Variants in SLC22A23 observed in about 807,000 individuals in gnomAD.
SLC22A23 encodes the protein solute carrier family 22 member 23, also known as ion transporter protein.
SLC22A23 carries 26 observed loss-of-function variants against 61.0 expected under a neutral mutation model. The observed-to-expected ratio is 0.43, with a 90% CI of 0.31 to 0.59. SLC22A23 has a LOEUF of 0.59. Among genes scored for constraint, SLC22A23 ranks in the 20% least tolerant of loss-of-function variants. The pLI is 0.11. For synonymous variants in SLC22A23, 430 were observed against 413.9 expected (o/e 1.04, Z -0.47); for missense variants, 796 against 934.7 (o/e 0.85, Z 1.94).
Position 3,372,281 on chromosome 6 carries a change from T to C in SLC22A23, c.913+37907A>G, listed in dbSNP as rs922863869. Among the ~76,000 whole-genome samples, 10 of 152,182 alleles carry C rather than the reference T, an allele frequency of 6.6e-5. No individual in the cohort carries two copies. The highest frequency in any genetic ancestry group is 1.2e-4 in the Non-Finnish European group (8 of 68,036). ...GCCAGTAAATCTTGTCCATCTAGTG[T>C]TTCAAAGTAGGGTATGAATGCAGTA... is the stretch of plus-strand genomic sequence containing the variant. On this transcript the variant is annotated intron_variant, in intron 3 of 9. Coordinates refer to ENST00000406686, the MANE Select transcript of SLC22A23 (RefSeq NM_015482.2). This position sits in a 1 kb window ranked among gnomAD's most constrained non-coding sequence, Gnocchi z 4.7.
intron 3 of SLC22A23, among the ~76,000 whole-genome samples, chr6:3,343,415 G>C (rs1445551522): frequency 6.6e-6 from 1 of 152,034 alleles, no homozygotes; most frequent in African/African-American, 2.4e-5. Flanking sequence ...TTAAACACCA[G>C]ATTTATCCTT....
rs747504419 is a variant in SLC22A23 at position 3,269,217 on chromosome 6, A to T, written c.*3838T>A. 3 of 152,376 alleles carry T rather than the reference A, an allele frequency of 2.0e-5. No homozygotes were observed. The highest frequency in any genetic ancestry group is 3.4e-3 in the Middle Eastern group (1 of 294). The allele number at this position is 152,376 out of a possible 1,614,324, so 9.4% of individuals were successfully genotyped here. On this transcript the variant is annotated 3_prime_UTR_variant, in exon 10 of 10. Transcript: ENST00000406686. The stretch of plus-strand genomic sequence containing the variant: ...GGTCTGAGAGTGGCACTTGGTAAAC[A>T]GTGTGTGTTTAATCCAGCCTCTGCC...
At chr6:3,369,682 C>T (rs1368619396) in intron 3 of SLC22A23, among the ~76,000 whole-genome samples, 1 of 100,702 alleles carries the variant, frequency 9.9e-6, no homozygotes, top group African/African-American at 4.1e-5. Context: ...CAGAGTGAGA[C>T]TCCATCTCAA....
At chr6:3,348,840 C>T (rs549834382) in intron 3 of SLC22A23, among the ~76,000 whole-genome samples, 3 of 152,320 alleles carry the variant, frequency 2.0e-5, no homozygotes, top group South Asian at 2.1e-4. Context: ...GCCAACGGAC[C>T]GGGTCCCCAT....
rs1762218995 is a variant in SLC22A23, at chr6:3,309,478, T to C, written c.1083-11260A>G. Among the ~76,000 whole-genome samples the C allele has an allele frequency of 6.6e-6, 1 of 152,038 alleles. No individual in the cohort carries two copies. Among genetic ancestry groups the C allele is most frequent in the South Asian group, 2.1e-4 (1 of 4,826 alleles). On this transcript the variant is annotated intron_variant, in intron 4 of 9. Coordinates refer to ENST00000406686, the MANE Select transcript of SLC22A23 (RefSeq NM_015482.2). This position sits in a 1 kb window ranked among gnomAD's most constrained non-coding sequence, Gnocchi z 4.7. ...TGAGAAAGCCCCAGGCCACTAACGC[T>C]GGGCAGAGGCCTCAGAGCAGGGTGG...
chr6:3,299,857 CA>C (rs1761452799), intron 4 of SLC22A23, among the ~76,000 whole-genome samples: 1 of 152,180 alleles, frequency 6.6e-6, no homozygotes, highest in African/African-American at 2.4e-5. Context: ...CTCAAGATGA[CA>C]GTCCTAGCTT....
chr6:3,415,097 G>A (rs553279700), intron 2 of SLC22A23, among the ~76,000 whole-genome samples: 21 of 152,312 alleles, frequency 1.4e-4, no homozygotes, highest in Admixed American at 5.2e-4. Flanking sequence ...TTAATGTATG[G>A]AACTACTTAG....
At chr6:3,278,533 A>G (rs1219445549) in intron 9 of SLC22A23, among the ~76,000 whole-genome samples, 1 of 152,200 alleles carries the variant, frequency 6.6e-6, no homozygotes, top group African/African-American at 2.4e-5. Flanking sequence ...CAAGGGCAAG[A>G]ATTATTTTCT....
intron 9 of SLC22A23, among the ~76,000 whole-genome samples, chr6:3,279,261 C>T (rs1252802493): frequency 2.0e-5 from 3 of 151,344 alleles, no homozygotes; most frequent in African/African-American, 4.9e-5. Flanking sequence ...GCCTGTAATC[C>T]CAGCAATTTG....
At chr6:3,319,199 C>T (rs1762810220) in intron 4 of SLC22A23, among the ~76,000 whole-genome samples, 1 of 152,216 alleles carries the variant, frequency 6.6e-6, no homozygotes, top group African/African-American at 2.4e-5. Context: ...TCTGACCCCA[C>T]CTGCCTTTCC....
intron 3 of SLC22A23, among the ~76,000 whole-genome samples, chr6:3,382,869 C>T (rs761012668): frequency 2.6e-5 from 4 of 152,124 alleles, no homozygotes; most frequent in Non-Finnish European, 5.9e-5. Flanking sequence ...AAGGGCATTG[C>T]TGCTGATTAC....
chr6:3,359,515 G>C (rs911981892), intron 3 of SLC22A23, among the ~76,000 whole-genome samples: 1 of 152,218 alleles, frequency 6.6e-6, no homozygotes, highest in African/African-American at 2.4e-5. Flanking sequence ...CAGGATGGTA[G>C]CTGCTGTCAA....
At chr6:3,313,736 C>T (rs893891409) in intron 4 of SLC22A23, 1 of 152,162 alleles carries the variant, frequency 6.6e-6, no homozygotes, top group Non-Finnish European at 1.5e-5. Context: ...TATAAAAATT[C>T]TTGGCCGGGC....
chr6:3,383,196 A>G (rs1410119821), intron 3 of SLC22A23, among the ~76,000 whole-genome samples: 1 of 152,264 alleles, frequency 6.6e-6, no homozygotes, highest in Non-Finnish European at 1.5e-5. Flanking sequence ...ATGCTGAGTG[A>G]AAGATAACGT....
At chr6:3,273,448 G>A (rs1758613600) in intron 9 of SLC22A23, 36 bp from the exon 10 acceptor site, 1 of 1,602,580 alleles carries the variant, frequency 6.2e-7, no homozygotes, top group African/African-American at 1.3e-5. Context: ...TTGCTGCTGT[G>A]GGCTAGCGGG....
chr6:3,442,499 A>G (rs1188583762), intron 1 of SLC22A23, among the ~76,000 whole-genome samples: 3 of 152,232 alleles, frequency 2.0e-5, no homozygotes, highest in Non-Finnish European at 2.9e-5. Context: ...TGCAGACGCT[A>G]AAGTATATCC....
intron 3 of SLC22A23, among the ~76,000 whole-genome samples, chr6:3,388,977 C>T (rs1036630649): frequency 1.3e-5 from 2 of 151,926 alleles, no homozygotes; most frequent in Non-Finnish European, 2.9e-5. Flanking sequence ...TGAAAAAGTT[C>T]TGTGGTGGCT....
rs1275525848 is a variant in SLC22A23 at position 3,297,842 on chromosome 6, T to C, written c.1210+249A>G. On this transcript the variant is annotated intron_variant, in intron 5 of 9. Coordinates refer to ENST00000406686, the MANE Select transcript of SLC22A23 (RefSeq NM_015482.2). The surrounding 1 kb of genome is among the most constrained non-coding windows in gnomAD (Gnocchi z 4.3). ...CCTTGAGCAGTGTATATTGGGCTCA[T>C]GGCTCGCTTCTGCATTTAGACAGGA... is the stretch of plus-strand genomic sequence containing the variant. 6.6e-6 allele frequency among the ~76,000 whole-genome samples: 1 copy of C among 152,216 alleles called. No individual in the cohort carries two copies. Among genetic ancestry groups the C allele is most frequent in the Non-Finnish European group, 1.5e-5 (1 of 68,040 alleles).
Position 3,327,967 on chromosome 6 carries a change from T to C in SLC22A23, c.914-3965A>G, listed in dbSNP as rs944489164. Among the ~76,000 whole-genome samples, 1 of 152,134 alleles carries C rather than the reference T, an allele frequency of 6.6e-6. No homozygotes were observed. The highest frequency in any genetic ancestry group is 1.5e-5 in the Non-Finnish European group (1 of 68,012). ...TAGGTGCTCAAAAAGTTTCAGATTCTAGAGCATTTCAGATTTCAGATGTTC... is the reference window on the plus strand; with the variant it reads ...TAGGTGCTCAAAAAGTTTCAGATTCCAGAGCATTTCAGATTTCAGATGTTC... On this transcript the variant is annotated intron_variant, in intron 3 of 9. Coordinates refer to ENST00000406686, the MANE Select transcript of SLC22A23 (RefSeq NM_015482.2). This position sits in a 1 kb window ranked among gnomAD's most constrained non-coding sequence, Gnocchi z 4.1.
Sources: gnomAD v4.1 joint callset for allele counts (sites outside exome capture counted in the v4.1 genomes callset) on GRCh38, gnomAD v4.1.1 for gene constraint, Gnocchi (gnomAD v3.1) non-coding constraint, MANE v1.5 for transcripts, NCBI Gene and HGNC (gene_info 2026-07-23, HGNC 2026-07-21) for gene names.